RABGAP1L: variants seen among roughly 807,000 people sequenced by gnomAD.
RABGAP1L encodes the protein RAB GTPase activating protein 1 like.
RABGAP1L carries 63 observed loss-of-function variants against 137.7 expected under a neutral mutation model. The observed-to-expected ratio is 0.46, with a 90% CI of 0.37 to 0.56. The LOEUF (loss-of-function observed/expected upper bound fraction) is 0.56. Among genes scored for constraint, RABGAP1L ranks in the 20% least tolerant of loss-of-function variants. The probability of loss-of-function intolerance (pLI) is 0.00; values close to 1 mark genes in which losing one functional copy is unlikely to be tolerated. For missense variants in RABGAP1L, 1,095 were observed against 1,244.0 expected (o/e 0.88, Z 1.80); for synonymous variants, 431 against 433.7 (o/e 0.99, Z 0.08).
At chr1:174,244,363 A>G (rs1272726812) in intron 5 of RABGAP1L, 2 of 152,246 alleles carry the variant, frequency 1.3e-5, no homozygotes, top group Non-Finnish European at 2.9e-5. Context: ...GAGTAGCAGC[A>G]TGGCTGCCAC....
chr1:174,918,648 A>G (rs1409434325), intron 19 of RABGAP1L, among the ~76,000 whole-genome samples: 2 of 152,058 alleles, frequency 1.3e-5, no homozygotes, highest in African/African-American at 4.8e-5. Flanking sequence ...AGCCAGGCAT[A>G]CTGCTGTGCA....
At chr1:174,170,519 A>G (rs189017900) in intron 1 of RABGAP1L, among the ~76,000 whole-genome samples, 94 of 152,160 alleles carry the variant, frequency 6.2e-4, no homozygotes, top group African/African-American at 2.2e-3. Context: ...TACTAAAAAT[A>G]CAAAAATTAA....
intron 13 of RABGAP1L, among the ~76,000 whole-genome samples, chr1:174,566,535 A>G (rs1455143541): frequency 6.6e-6 from 1 of 152,146 alleles, no homozygotes; most frequent in Non-Finnish European, 1.5e-5. Context: ...CTTTCAGTGT[A>G]TACTTACAGA....
intron 13 of RABGAP1L, among the ~76,000 whole-genome samples, chr1:174,470,721 G>A (rs548191905): frequency 3.9e-5 from 6 of 152,154 alleles, no homozygotes; most frequent in Admixed American, 2.0e-4. Flanking sequence ...GAGCCAAGAT[G>A]GCGGCATTGC....
At chr1:174,230,604 G>T (rs1670564194) in intron 3 of RABGAP1L, among the ~76,000 whole-genome samples, 2 of 152,128 alleles carry the variant, frequency 1.3e-5, no homozygotes. Context: ...GAAATTCCTT[G>T]TGAGTAATCT....
intron 14 of RABGAP1L, among the ~76,000 whole-genome samples, chr1:174,666,882 G>A (rs1224098597): frequency 6.6e-6 from 1 of 151,368 alleles, no homozygotes; most frequent in Non-Finnish European, 1.5e-5. Flanking sequence ...GTCAAGAGCA[G>A]TAGTAGTCAT....
chr1:174,950,067 C>T (rs1281132995), intron 19 of RABGAP1L, among the ~76,000 whole-genome samples: 1 of 152,082 alleles, frequency 6.6e-6, no homozygotes, highest in Non-Finnish European at 1.5e-5. Context: ...GTGTGCACAC[C>T]ACTAGGATTG....
intron 4 of RABGAP1L, among the ~76,000 whole-genome samples, chr1:174,236,140 C>G (rs1671143701): frequency 1.1e-5 from 1 of 88,300 alleles, no homozygotes; most frequent in African/African-American, 5.3e-5. Context: ...TTTATTGTGT[C>G]TATTTGATTC....
At chr1:174,490,855 C>T (rs1283620164) in intron 13 of RABGAP1L, among the ~76,000 whole-genome samples, 1 of 152,086 alleles carries the variant, frequency 6.6e-6, no homozygotes, top group Non-Finnish European at 1.5e-5. Context: ...ATCACCAACA[C>T]AGGCCCATGG....
chr1:174,580,171 C>T lies in RABGAP1L; in HGVS notation c.1711-57204C>T, dbSNP rs139874717. ...AAAACTTAAGACTTGTTGTATTAAA[C>T]GACATCATCAGGAAAATGAAAAGGC... On this transcript the variant is annotated intron_variant, in intron 13 of 25. Coordinates refer to ENST00000681986, the MANE Select transcript of RABGAP1L (RefSeq NM_001366446.1). Among the ~76,000 whole-genome samples, 444 of 152,202 alleles carry T rather than the reference C, an allele frequency of 2.9e-3. 2 individuals carry two copies. The highest frequency in any genetic ancestry group is 8.8e-3 in the African/African-American group (364 of 41,530).
intron 11 of RABGAP1L, among the ~76,000 whole-genome samples, chr1:174,319,054 A>G (rs763490955): frequency 1.3e-5 from 2 of 152,064 alleles, no homozygotes; most frequent in Non-Finnish European, 2.9e-5. Flanking sequence ...ACATATTTGC[A>G]TATTTGTACT....
intron 11 of RABGAP1L, among the ~76,000 whole-genome samples, chr1:174,308,035 GT>G (rs1479078753): frequency 6.6e-6 from 1 of 151,968 alleles, no homozygotes; most frequent in Non-Finnish European, 1.5e-5. Flanking sequence ...TCTCATTGTA[GT>G]TGTGATTTCC....
chr1:174,955,582 G>T (rs1292052760), intron 19 of RABGAP1L, among the ~76,000 whole-genome samples: 1 of 152,128 alleles, frequency 6.6e-6, no homozygotes, highest in African/African-American at 2.4e-5. Flanking sequence ...TCACTCATAT[G>T]TATATGTTTT....
chr1:174,943,819 C>T (rs1216971898), intron 19 of RABGAP1L, among the ~76,000 whole-genome samples: 1 of 151,760 alleles, frequency 6.6e-6, no homozygotes, highest in African/African-American at 2.4e-5. Flanking sequence ...CGCGACAGTG[C>T]GAGACTCCAT....
intron 19 of RABGAP1L, among the ~76,000 whole-genome samples, chr1:174,878,235 CT>C (rs1050062171): frequency 2.0e-5 from 3 of 151,826 alleles, no homozygotes; most frequent in African/African-American, 7.3e-5. Flanking sequence ...CTGAAACCAA[CT>C]TTTTTTTGAG....
intron 13 of RABGAP1L, among the ~76,000 whole-genome samples, chr1:174,568,331 A>G (rs1335160554): frequency 6.6e-6 from 1 of 152,212 alleles, no homozygotes; most frequent in Non-Finnish European, 1.5e-5. Flanking sequence ...ACTGGAGATT[A>G]TATTTTAACA....
At chr1:174,690,729 C>A (rs1265008602) in intron 15 of RABGAP1L, among the ~76,000 whole-genome samples, 1 of 149,968 alleles carries the variant, frequency 6.7e-6, no homozygotes, top group African/African-American at 2.5e-5. Flanking sequence ...GGAGAATAGA[C>A]AAATGACTAG....
chr1:174,541,072 C>T (rs1023640335), intron 13 of RABGAP1L, among the ~76,000 whole-genome samples: 3 of 152,118 alleles, frequency 2.0e-5, no homozygotes, highest in African/African-American at 7.2e-5. Flanking sequence ...TATGGGAGTT[C>T]ACTCATGATT....
chr1:174,567,370 G>A (rs1667654954), intron 13 of RABGAP1L, among the ~76,000 whole-genome samples: 1 of 152,122 alleles, frequency 6.6e-6, no homozygotes, highest in Admixed American at 6.6e-5. Flanking sequence ...TTTTATGACT[G>A]AATATTATTC....
Sources: gnomAD v4.1 joint callset for allele counts (sites outside exome capture counted in the v4.1 genomes callset) on GRCh38, gnomAD v4.1.1 for gene constraint, MANE v1.5 for transcripts, NCBI Gene and HGNC (gene_info 2026-07-23, HGNC 2026-07-21) for gene names.